Variants in RANBP2 observed in about 807,000 individuals in gnomAD.
RANBP2 encodes the protein RAN binding protein 2, also known as E3 SUMO-protein ligase RanBP2.
In RANBP2, 57 loss-of-function variants were observed where a neutral mutation model predicts 303.6. The ratio of observed to expected loss-of-function variants is 0.19; its 90% CI spans 0.15 to 0.23. RANBP2 has a LOEUF of 0.23. RANBP2 is among the 10% of genes least tolerant of loss of function. The pLI is 1.00. For missense variants in RANBP2, 3,138 were observed against 3,780.8 expected, an observed-to-expected ratio of 0.83 and a Z score of 4.46; for synonymous variants, 1,167 against 1,301.5, an observed-to-expected ratio of 0.90 and a Z score of 2.23.
the RANBP2 span, chr2:108,908,057 G>C: frequency 2.7e-5 from 42 of 1,575,392 alleles, no homozygotes; most frequent in Middle Eastern, 1.7e-4. Context: ...GCAGTGCCTG[G>C]GGGGGCTGCA....
chr2:108,777,318 A>AGTTTTT (rs1677960338), intron 25 of RANBP2, 87 bp downstream of exon 25: 3 of 1,151,132 alleles, frequency 2.6e-6, no homozygotes, highest in Non-Finnish European at 2.6e-6. Context: ...GTATATAACT[A>AGTTTTT]AGTTAGAAGT....
chr2:109,542,030 C>T, the RANBP2 span, among the ~76,000 whole-genome samples: 1 of 152,224 alleles, frequency 6.6e-6, no homozygotes, highest in South Asian at 2.1e-4. Context: ...CTTTAAAAGT[C>T]GGAGGGAGTA....
the RANBP2 span, among the ~76,000 whole-genome samples, chr2:109,571,816 G>A: frequency 2.6e-5 from 4 of 152,292 alleles, no homozygotes; most frequent in African/African-American, 9.6e-5. Context: ...GACTGCCTCT[G>A]AACAAGTGCT....
chr2:109,203,089 G>C, the RANBP2 span, among the ~76,000 whole-genome samples: 3 of 152,178 alleles, frequency 2.0e-5, no homozygotes, highest in Non-Finnish European at 4.4e-5. Context: ...GTCGAGCCTG[G>C]AACACTGGTG....
the RANBP2 span, among the ~76,000 whole-genome samples, chr2:109,161,248 G>C: frequency 1.3e-5 from 2 of 152,184 alleles, no homozygotes; most frequent in Admixed American, 6.5e-5. Flanking sequence ...TCAGGCACGA[G>C]TATGCAGTGA....
At chr2:109,451,510 A>G in the RANBP2 span, among the ~76,000 whole-genome samples, 1 of 152,276 alleles carries the variant, frequency 6.6e-6, no homozygotes, top group East Asian at 1.9e-4. Context: ...CAATAATACC[A>G]TTGCTGAGTG....
intron 15 of RANBP2, 25 bp downstream of exon 15, chr2:108,753,996 C>T (rs545988814): frequency 2.2e-5 from 36 of 1,611,542 alleles, no homozygotes; most frequent in Non-Finnish European, 2.4e-5. Context: ...GTTGTATGTA[C>T]GTTCTTACTG....
At chr2:108,826,401 A>G in the RANBP2 span, among the ~76,000 whole-genome samples, 1 of 152,168 alleles carries the variant, frequency 6.6e-6, no homozygotes, top group Non-Finnish European at 1.5e-5. Flanking sequence ...TAACATGTTT[A>G]GGCCTTTGAT....
At chr2:109,250,421 G>A in the RANBP2 span, among the ~76,000 whole-genome samples, 1 of 151,876 alleles carries the variant, frequency 6.6e-6, no homozygotes, top group African/African-American at 2.4e-5. Flanking sequence ...GTTTCTTCAT[G>A]AAACAATCAT....
chr2:108,946,164 C>A, the RANBP2 span, among the ~76,000 whole-genome samples: 33 of 152,270 alleles, frequency 2.2e-4, no homozygotes, highest in Admixed American at 2.0e-3. Context: ...CGGAGTGTGT[C>A]CCAGCAGCTG....
At chr2:109,483,774 G>A in the RANBP2 span, among the ~76,000 whole-genome samples, 1 of 152,122 alleles carries the variant, frequency 6.6e-6, no homozygotes, top group Non-Finnish European at 1.5e-5. Context: ...CTCCATGCCT[G>A]TCCCCTCCCC....
the RANBP2 span, among the ~76,000 whole-genome samples, chr2:109,522,765 C>T: frequency 2.6e-5 from 4 of 152,184 alleles, no homozygotes; most frequent in Non-Finnish European, 5.9e-5. Flanking sequence ...CTAATATGCT[C>T]CTGGGATTAG....
chr2:108,729,392 T>C (rs1399278906), intron 2 of RANBP2, among the ~76,000 whole-genome samples, 193 bp downstream of exon 2: 1 of 152,240 alleles, frequency 6.6e-6, no homozygotes, highest in African/African-American at 2.4e-5. Context: ...TAGTGTTTTC[T>C]GCATGCTGCT....
chr2:109,077,727 A>G, the RANBP2 span, among the ~76,000 whole-genome samples: 1 of 150,220 alleles, frequency 6.7e-6, no homozygotes, highest in Non-Finnish European at 1.5e-5. Flanking sequence ...CATCACTATC[A>G]TCAGGGAAAT....
the RANBP2 span, among the ~76,000 whole-genome samples, chr2:109,314,651 A>C: frequency 2.6e-5 from 4 of 152,216 alleles, no homozygotes; most frequent in Non-Finnish European, 5.9e-5. Flanking sequence ...TAAACTTGTA[A>C]ATTAATCCTC....
the RANBP2 span, among the ~76,000 whole-genome samples, chr2:109,246,269 A>G: frequency 6.6e-6 from 1 of 152,238 alleles, no homozygotes; most frequent in Non-Finnish European, 1.5e-5. Context: ...TGGTCGTCCA[A>G]GATCAAGGCA....
the RANBP2 span, among the ~76,000 whole-genome samples, chr2:109,353,618 G>T: frequency 1.3e-5 from 2 of 152,152 alleles, no homozygotes; most frequent in Non-Finnish European, 2.9e-5. Flanking sequence ...GGGTGAGAGT[G>T]CCTCTGTCTC....
At chr2:109,009,564 C>T in the RANBP2 span, among the ~76,000 whole-genome samples, 2 of 152,074 alleles carry the variant, frequency 1.3e-5, no homozygotes, top group Non-Finnish European at 2.9e-5. Flanking sequence ...CTGTCACTCT[C>T]ACCCAGGGTA....
At chr2:109,302,354 G>A in the RANBP2 span, among the ~76,000 whole-genome samples, 5 of 152,236 alleles carry the variant, frequency 3.3e-5, no homozygotes, top group African/African-American at 9.6e-5. Context: ...TGCAGGAACA[G>A]CAAGGTGAAA....
Sources: allele counts gnomAD v4.1 joint callset (sites outside exome capture counted in the v4.1 genomes callset), GRCh38; gene constraint gnomAD v4.1.1; transcripts MANE v1.5; gene names NCBI Gene and HGNC (gene_info 2026-07-23, HGNC 2026-07-21).